NUP50: variants seen among roughly 807,000 people sequenced by gnomAD.
NUP50 encodes the protein nuclear pore complex protein Nup50.
A neutral mutation model predicts 36.8 loss-of-function variants in NUP50; 14 were observed. That is an observed-to-expected ratio of 0.38 (90% CI 0.25 to 0.59). The LOEUF is 0.59. Ranked by LOEUF, NUP50 falls within the 20% of genes least tolerant of loss-of-function variation. The pLI is 0.63. For missense variants in NUP50, 455 were observed against 564.6 expected (o/e 0.81, Z 1.97); for synonymous variants, 195 against 210.8 (o/e 0.93, Z 0.65).
chr22:45,175,586 G>C (rs2074263782), intron 3 of NUP50, among the ~76,000 whole-genome samples: 1 of 152,188 alleles, frequency 6.6e-6, no homozygotes, highest in Non-Finnish European at 1.5e-5. Context: ...TTCTGAGGCT[G>C]GGTGGTGGGT....
In NUP50 at chr22:45,178,685, C is replaced by T. The variant is rs1020454720; in HGVS notation, c.788C>T (p.Ser263Leu). The stretch of plus-strand genomic sequence containing the variant: ...TCTGAAAAGAAAACGGACCCATCAT[C>T]ACTAGGAGCGACAAGTGCCTCATTT... ...VASEKKTDPS[S>L]LGATSASFNF... is the part of the protein sequence containing the mutation. Residue 263 changes from serine (S) to leucine (L), a missense_variant, in exon 5 of 8, where the codon TCA (serine) becomes TTA (leucine). Physicochemically the swap from Ser to Leu is moderately radical, Grantham distance 145. Around this residue, in one of 3 missense-constraint regions of NUP50, gnomAD observed 287 missense variants for 345.5 expected, o/e 0.83. Coordinates refer to ENST00000347635, the MANE Select transcript of NUP50 (RefSeq NM_007172.4). 38 of 1,612,212 alleles carry T rather than the reference C, an allele frequency of 2.4e-5. No individual in the cohort carries two copies. The highest frequency in any genetic ancestry group is 3.2e-5 in the Non-Finnish European group (38 of 1,179,872).
At chr22:45,175,105 G>C (rs1045250668) in intron 3 of NUP50, among the ~76,000 whole-genome samples, 1 of 152,086 alleles carries the variant, frequency 6.6e-6, no homozygotes, top group African/African-American at 2.4e-5. Context: ...CAACAAAAAA[G>C]GGCTTCTAAA....
intron 2 of NUP50, among the ~76,000 whole-genome samples, chr22:45,170,373 G>GTCGTACCTTA (rs1269164337): frequency 6.6e-6 from 1 of 152,120 alleles, no homozygotes; most frequent in Non-Finnish European, 1.5e-5. Flanking sequence ...GGACTCTACA[G>GTCGTACCTTA]TCGTACCTTA....
intron 5 of NUP50, 139 bp from the exon 6 acceptor site, chr22:45,181,147 C>CG (rs1293031524): frequency 7.6e-6 from 1 of 131,878 alleles, no homozygotes; most frequent in African/African-American, 3.4e-5. Context: ...CCCCCCCCCC[C>CG]CCATTAAGTG....
At chr22:45,177,396 G>A (rs1398763062) in intron 4 of NUP50, among the ~76,000 whole-genome samples, 2 of 152,058 alleles carry the variant, frequency 1.3e-5, no homozygotes, top group Admixed American at 1.3e-4. Context: ...GCCCAGGCTG[G>A]TCTCAAACTC....
rs760925721 is a variant in NUP50, at chr22:45,183,385, A to G, written c.1086-17A>G. ...CGTCCTTGAATGCTTGATGGTCCCT[A>G]TTATTTTTCTCCATAGGTGTAAACT... is the stretch of plus-strand genomic sequence containing the variant. On this transcript the variant is annotated splice_polypyrimidine_tract_variant and intron_variant, in intron 6 of 7. Coordinates refer to ENST00000347635, the MANE Select transcript of NUP50 (RefSeq NM_007172.4). 7 of 1,433,540 alleles carry G rather than the reference A, an allele frequency of 4.9e-6. No individual in the cohort carries two copies. The highest frequency in any genetic ancestry group is 4.6e-5 in the South Asian group (4 of 86,712). 88.8% of individuals were successfully genotyped at this position (1,433,540 alleles called of 1,614,324 possible).
At chr22:45,165,227 G>A (rs1316842808) in intron 1 of NUP50, among the ~76,000 whole-genome samples, 1 of 152,144 alleles carries the variant, frequency 6.6e-6, no homozygotes, top group Admixed American at 6.6e-5. Flanking sequence ...AAACGCAAAC[G>A]TTTTTTAAAT....
In NUP50 at chr22:45,178,700, G is replaced by A. The variant is rs772712826; in HGVS notation, c.803G>A (p.Ser268Asn). Residue 268 changes from serine to asparagine, a missense_variant, in exon 5 of 8, where the codon AGT becomes AAT. By Grantham distance (46) the Ser-to-Asn change is conservative. Around this residue, in one of 3 missense-constraint regions of NUP50, gnomAD observed 287 missense variants for 345.5 expected, o/e 0.83. Transcript: ENST00000347635. ...GACCCATCATCACTAGGAGCGACAA[G>A]TGCCTCATTTAATTTCGGCAAGAAA... ...KTDPSSLGAT[S>N]ASFNFGKKVD... 3 of 1,612,550 alleles carry A rather than the reference G, an allele frequency of 1.9e-6. No individual in the cohort carries two copies. Among genetic ancestry groups the A allele is most frequent in the Non-Finnish European group, 2.5e-6 (3 of 1,179,864 alleles).
intron 3 of NUP50, among the ~76,000 whole-genome samples, chr22:45,172,375 G>T (rs966180866): frequency 1.3e-5 from 2 of 152,008 alleles, no homozygotes; most frequent in African/African-American, 4.8e-5. Context: ...AAAACATCAA[G>T]AATAGACTAT....
intron 3 of NUP50, among the ~76,000 whole-genome samples, chr22:45,175,381 A>T (rs989649451): frequency 2.0e-5 from 3 of 152,236 alleles, no homozygotes; most frequent in Non-Finnish European, 4.4e-5. Flanking sequence ...TGTAGATTTG[A>T]GACTCGATCA....
At chr22:45,171,449 T>A in intron 2 of NUP50, 151 bp from the exon 3 acceptor site, 1 of 699,448 alleles carries the variant, frequency 1.4e-6, no homozygotes, top group Non-Finnish European at 2.4e-6. Flanking sequence ...CCCAAAGCGC[T>A]AGTATTATAG....
At chr22:45,168,951 G>C (rs1369179662) in intron 2 of NUP50, among the ~76,000 whole-genome samples, 2 of 145,702 alleles carry the variant, frequency 1.4e-5, no homozygotes, top group Non-Finnish European at 3.0e-5. Context: ...GCCCAGGCTG[G>C]AGTGCGGTGG....
At chr22:45,168,344 C>T in intron 2 of NUP50, 98 bp downstream of exon 2, 1 of 830,418 alleles carries the variant, frequency 1.2e-6, no homozygotes, top group African/African-American at 1.7e-5. Flanking sequence ...ACTAAAAGAC[C>T]TTTCTAAGAA....
At chr22:45,183,038 C>T (rs534991857) in intron 6 of NUP50, among the ~76,000 whole-genome samples, 6 of 119,242 alleles carry the variant, frequency 5.0e-5, no homozygotes, top group Middle Eastern at 4.9e-3. Context: ...ACCAGATCGG[C>T]GATCTTGAGC....
At chr22:45,174,980 G>T (rs540859896) in intron 3 of NUP50, among the ~76,000 whole-genome samples, 117 of 150,718 alleles carry the variant, frequency 7.8e-4, no homozygotes, top group African/African-American at 2.7e-3. Context: ...TTTTTTTCTG[G>T]TGAAATCATG....
rs140716375 is a variant in NUP50 at position 45,186,583 on chromosome 22, A to G, written c.*1928A>G. 378 of 152,732 alleles carry G rather than the reference A, an allele frequency of 2.5e-3. 3 individuals are homozygous for G. Among genetic ancestry groups the G allele is most frequent in the Non-Finnish European group, 1.4e-3 (93 of 68,022 alleles). The allele number at this position is 152,732 out of a possible 1,614,324, so 9.5% of individuals were successfully genotyped here. ...GTCTGCGTGTGTATGGAAAGTTGAC[A>G]AAAAATGGCATGAAAAGATCATGAT... On this transcript the variant is annotated 3_prime_UTR_variant, in exon 8 of 8. Coordinates refer to ENST00000347635, the MANE Select transcript of NUP50 (RefSeq NM_007172.4).
Position 45,186,509 on chromosome 22 carries a change from C to CAG in NUP50, c.*1855_*1856dup, listed in dbSNP as rs1410461911. On this transcript the variant is annotated 3_prime_UTR_variant, in exon 8 of 8. Transcript: ENST00000347635. ...GGTACCAGCTGGAATCAGCAGCTCA[C>CAG]AGGCATCTTCAGGACACTTCAGTGT... 7.2e-5 allele frequency: 11 copies of CAG among 152,386 alleles called. No homozygotes were observed. The highest frequency in any genetic ancestry group is 2.0e-4 in the Admixed American group (3 of 15,276). The allele number at this position is 152,386 out of a possible 1,614,324, so 9.4% of individuals were successfully genotyped here.
At chr22:45,170,304 A>G (rs2074167979) in intron 2 of NUP50, among the ~76,000 whole-genome samples, 1 of 150,666 alleles carries the variant, frequency 6.6e-6, no homozygotes, top group East Asian at 2.0e-4. Flanking sequence ...TTGTGTCTTT[A>G]TTTCTTACAA....
intron 2 of NUP50, 97 bp downstream of exon 2, chr22:45,168,343 C>CAGAAA: frequency 2.4e-6 from 2 of 841,782 alleles, no homozygotes; most frequent in Non-Finnish European, 3.8e-6. Context: ...AACTAAAAGA[C>CAGAAA]CTTTCTAAGA....
Sources: allele counts gnomAD v4.1 joint callset (sites outside exome capture counted in the v4.1 genomes callset), GRCh38; gene constraint gnomAD v4.1.1; regional missense constraint gnomAD v4.1.1; transcripts MANE v1.5; gene names NCBI Gene and HGNC (gene_info 2026-07-23, HGNC 2026-07-21).